Variants in DOCK5 observed in about 807,000 individuals in gnomAD.
DOCK5 encodes dedicator of cytokinesis 5.
In DOCK5, 142 loss-of-function variants were observed where a neutral mutation model predicts 251.8. That is an observed-to-expected ratio of 0.56 (90% CI 0.49 to 0.65). The LOEUF (loss-of-function observed/expected upper bound fraction) is 0.65. Among genes scored for constraint, DOCK5 ranks in the 30% least tolerant of loss-of-function variants. The pLI, the probability that DOCK5 is intolerant of heterozygous loss-of-function variation, is 0.00. For missense variants in DOCK5, 2,111 were observed against 2,312.3 expected, an observed-to-expected ratio of 0.91 and a Z score of 1.79; for synonymous variants, 842 against 835.5, an observed-to-expected ratio of 1.01 and a Z score of -0.13.
rs755511798 is a variant in DOCK5 at position 25,190,775 on chromosome 8, G to GTTTTTTTTT, written c.43+5824_43+5825insTTTTTTTTT. Among the ~76,000 whole-genome samples, 17 of 53,972 alleles carry GTTTTTTTTT rather than the reference G, an allele frequency of 3.1e-4. 4 individuals are homozygous for GTTTTTTTTT. Among genetic ancestry groups the GTTTTTTTTT allele is most frequent in the Middle Eastern group, 0.022 (1 of 46 alleles). 35.4% of individuals were successfully genotyped at this position (53,972 alleles called of 152,430 possible). A position where few individuals can be genotyped will look rare whatever the true frequency, so the allele number is the denominator to read the frequency against. ...AAGGCCTGGCCTTAACTTGGTCATG[G>GTTTTTTTTT]GTTTTTTTTTTTTTTTTTTTTTTTT... On this transcript the variant is annotated intron_variant, in intron 1 of 51. Coordinates refer to ENST00000276440, the MANE Select transcript of DOCK5 (RefSeq NM_024940.8).
intron 1 of DOCK5, among the ~76,000 whole-genome samples, chr8:25,233,626 G>T (rs894051276): frequency 6.6e-6 from 1 of 152,190 alleles, no homozygotes; most frequent in East Asian, 1.9e-4. Flanking sequence ...TTGCCCTAGA[G>T]TCCAGGATGG....
chr8:25,346,380 C>T (rs528485266), intron 26 of DOCK5, among the ~76,000 whole-genome samples: 1 of 152,158 alleles, frequency 6.6e-6, no homozygotes, highest in Non-Finnish European at 1.5e-5. Flanking sequence ...CCTTCTTATC[C>T]TCTGATGCCT....
chr8:25,375,096 T>G, intron 37 of DOCK5: 1 of 738,792 alleles, frequency 1.4e-6, no homozygotes, highest in Non-Finnish European at 1.7e-6. Context: ...AAGTAATTAT[T>G]TCTAGCCCTG....
At chr8:25,333,622 C>T (rs1275732901) in intron 20 of DOCK5, among the ~76,000 whole-genome samples, 1 of 152,042 alleles carries the variant, frequency 6.6e-6, no homozygotes, top group Non-Finnish European at 1.5e-5. Context: ...AGGTCATGTG[C>T]CTGATAGCAG....
In DOCK5 at chr8:25,366,896, A is replaced by T. The variant is rs147440139; in HGVS notation, c.3150A>T (p.Ala1050=). ...LQLWNNYFHL[A]VAFLTHESLQ... is the part of the protein sequence containing the mutation. ...TCTGGAACAATTACTTCCATTTGGCAGTTGCATTTCTCACCCATGAGTCCC... is the reference window on the plus strand; with the variant it reads ...TCTGGAACAATTACTTCCATTTGGCTGTTGCATTTCTCACCCATGAGTCCC... Residue 1050 remains alanine, a synonymous_variant, in exon 31 of 52, where the codon GCA becomes GCT. Coordinates refer to ENST00000276440, the MANE Select transcript of DOCK5 (RefSeq NM_024940.8). 3 of 1,613,712 alleles carry T rather than the reference A, an allele frequency of 1.9e-6. No homozygotes were observed. The highest frequency in any genetic ancestry group is 2.5e-6 in the Non-Finnish European group (3 of 1,179,816).
In DOCK5 at chr8:25,369,558, T is replaced by C; in HGVS notation, c.3441T>C (p.Phe1147=). ...NFSGNGNFHM[F]ENELITKLDQ... ...TGAAATTCTGCCTCTACTTTCAGTTTGAGAATGAGCTGATCACAAAGCTGG... is the reference window on the plus strand; with the variant it reads ...TGAAATTCTGCCTCTACTTTCAGTTCGAGAATGAGCTGATCACAAAGCTGG... The change falls in exon 34 of 52, where the codon TTT becomes TTC. Residue 1147 remains phenylalanine (F), a splice_region_variant and synonymous_variant. Coordinates refer to ENST00000276440, the MANE Select transcript of DOCK5 (RefSeq NM_024940.8). 1 of 1,608,578 alleles carries C rather than the reference T, an allele frequency of 6.2e-7. No homozygotes were observed.
intron 13 of DOCK5, among the ~76,000 whole-genome samples, chr8:25,316,547 G>A (rs1216178924): frequency 6.6e-6 from 1 of 152,122 alleles, no homozygotes; most frequent in Non-Finnish European, 1.5e-5. Context: ...TTGTTCTGTA[G>A]ATTAACAAGT....
At position 25,300,593 on chromosome 8, in the gene DOCK5, G is replaced by T. The variant is rs372729869; in HGVS notation, c.782G>T (p.Arg261Leu). 2.5e-6 allele frequency: 4 copies of T among 1,612,970 alleles called. No homozygotes were observed. The highest frequency in any genetic ancestry group is 2.2e-5 in the South Asian group (2 of 90,846). ...STFISENYLIRWGSNGMPKEI... is the reference protein window; with the variant it reads ...STFISENYLILWGSNGMPKEI... ...TTTGCCAGTGAGAACTATCTAATTCGTTGGGGCAGTAACGGGATGCCCAAG... is the reference window on the plus strand; with the variant it reads ...TTTGCCAGTGAGAACTATCTAATTCTTTGGGGCAGTAACGGGATGCCCAAG... Residue 261 changes from arginine (R) to leucine (L), a missense_variant, in exon 9 of 52, where the codon CGT (arginine) becomes CTT (leucine). Physicochemically the swap from Arg to Leu is moderately radical, Grantham distance 102. This residue lies in a region of DOCK5 where 335 missense variants were observed against 324.9 expected (regional missense o/e 1.03). Coordinates refer to ENST00000276440, the MANE Select transcript of DOCK5 (RefSeq NM_024940.8).
chr8:25,214,391 A>G (rs1263235029), intron 1 of DOCK5, among the ~76,000 whole-genome samples: 1 of 152,126 alleles, frequency 6.6e-6, no homozygotes, highest in African/African-American at 2.4e-5. Flanking sequence ...TCTTGGGGTC[A>G]AGGGATCCTG....
chr8:25,193,032 TA>T (rs965850756), intron 1 of DOCK5, among the ~76,000 whole-genome samples: 2 of 152,104 alleles, frequency 1.3e-5, no homozygotes, highest in Non-Finnish European at 2.9e-5. Context: ...TTTTCTTCAT[TA>T]AAAAAGGAGG....
rs140562382 is a variant in DOCK5, at chr8:25,251,441, C to G, written c.127+7684C>G. ...GGGTTTGTATACGTACAGGAGTTCC[C>G]CAGAATACCCATGTTATTTCTTCTA... On this transcript the variant is annotated intron_variant, in intron 2 of 51. Coordinates refer to ENST00000276440, the MANE Select transcript of DOCK5 (RefSeq NM_024940.8). Among the ~76,000 whole-genome samples, 66 of 152,174 alleles carry G rather than the reference C, an allele frequency of 4.3e-4. 1 individual carries two copies. Among genetic ancestry groups the G allele is most frequent in the African/African-American group, 1.6e-3 (66 of 41,512 alleles).
At position 25,263,497 on chromosome 8, in the gene DOCK5, A is replaced by T. The variant is rs1448476600; in HGVS notation, c.128-5348A>T. 1.3e-5 allele frequency among the ~76,000 whole-genome samples: 2 copies of T among 151,870 alleles called. 1 individual carries two copies. Among genetic ancestry groups the T allele is most frequent in the African/African-American group, 4.9e-5 (2 of 41,140 alleles). The stretch of plus-strand genomic sequence containing the variant: ...CTTCTGGGGCTTATAACTCCATTCT[A>T]TAATAGTAAGAAACCTAGCTTCCCA... On this transcript the variant is annotated intron_variant, in intron 2 of 51. Transcript: ENST00000276440.
At chr8:25,196,759 A>G (rs906367999) in intron 1 of DOCK5, among the ~76,000 whole-genome samples, 1 of 152,240 alleles carries the variant, frequency 6.6e-6, no homozygotes, top group African/African-American at 2.4e-5. Context: ...GCAGTATTCA[A>G]TGCAATGACG....
At chr8:25,198,005 CT>C (rs1801778533) in intron 1 of DOCK5, among the ~76,000 whole-genome samples, 1 of 152,142 alleles carries the variant, frequency 6.6e-6, no homozygotes, top group African/African-American at 2.4e-5. Flanking sequence ...CTGCGTCGGC[CT>C]CCCAAAGTGC....
chr8:25,368,557 C>G lies in DOCK5; in HGVS notation c.3284-14C>G. On this transcript the variant is annotated splice_polypyrimidine_tract_variant and intron_variant, in intron 32 of 51. Transcript: ENST00000276440. ...GAAATAATTTTTTAATATCTTCATT[C>G]ACTTTCATTTCAGGTCCCCACAAAA... 6.3e-7 allele frequency: 1 copy of G among 1,579,366 alleles called. No individual in the cohort carries two copies. The highest frequency in any genetic ancestry group is 1.2e-5 in the South Asian group (1 of 85,430).
At chr8:25,199,132 G>T (rs934366197) in intron 1 of DOCK5, among the ~76,000 whole-genome samples, 1 of 152,066 alleles carries the variant, frequency 6.6e-6, no homozygotes, top group Admixed American at 6.6e-5. Flanking sequence ...AAGTAATGTG[G>T]CATTGTTACT....
At chr8:25,368,525 T>C (rs765457827) in intron 32 of DOCK5, 46 bp from the exon 33 acceptor site, 2 of 1,557,074 alleles carry the variant, frequency 1.3e-6, no homozygotes, top group East Asian at 4.5e-5. Flanking sequence ...AACACTTTAC[T>C]TTCAGTGAAA....
At position 25,395,728 on chromosome 8, in the gene DOCK5, G is replaced by C. The variant is rs769570999; in HGVS notation, c.4704+9G>C. 1 of 1,611,958 alleles carries C rather than the reference G, an allele frequency of 6.2e-7. No individual in the cohort carries two copies. The highest frequency in any genetic ancestry group is 1.3e-5 in the African/African-American group (1 of 74,854). ...TCTCCAACTATGAAAAGGTTCGCTT[G>C]GTCCCAGAATCCCCTAGGGATTCAC... On this transcript the variant is annotated intron_variant, in intron 45 of 51. Coordinates refer to ENST00000276440, the MANE Select transcript of DOCK5 (RefSeq NM_024940.8).
At chr8:25,252,256 A>G (rs1273804565) in intron 2 of DOCK5, among the ~76,000 whole-genome samples, 1 of 152,224 alleles carries the variant, frequency 6.6e-6, no homozygotes, top group Non-Finnish European at 1.5e-5. Context: ...TCAGAAGCCA[A>G]GAGAGAGACA....
Sources: allele counts gnomAD v4.1 joint callset (sites outside exome capture counted in the v4.1 genomes callset), GRCh38; gene constraint gnomAD v4.1.1; regional missense constraint gnomAD v4.1.1; transcripts MANE v1.5; gene names NCBI Gene and HGNC (gene_info 2026-07-23, HGNC 2026-07-21).